The following CNBD1 variants were observed in gnomAD, a reference collection of about 807,000 sequenced individuals.
The protein encoded by CNBD1 is cyclic nucleotide-binding domain-containing protein 1.
In CNBD1, 71 loss-of-function variants were observed where a neutral mutation model predicts 54.4. That is an observed-to-expected ratio of 1.30 (90% CI 1.08 to 1.59). The LOEUF (loss-of-function observed/expected upper bound fraction) is 1.59, where lower values mean the gene tolerates loss of function less well. Ranked by LOEUF, CNBD1 falls within the 40% of genes most tolerant of loss-of-function variation. The pLI, the probability that CNBD1 is intolerant of heterozygous loss-of-function variation, is 0.00. For synonymous variants in CNBD1, 182 were observed against 170.7 expected (o/e 1.07, Z -0.51); for missense variants, 659 against 518.0 (o/e 1.27, Z -2.64).
chr8:87,335,904 T>C (rs570370156), intron 8 of CNBD1, among the ~76,000 whole-genome samples: 1 of 152,326 alleles, frequency 6.6e-6, no homozygotes, highest in African/African-American at 2.4e-5. Context: ...GGCCTGGTGG[T>C]GATGAATTCC....
chr8:87,127,809 G>A (rs555796986), intron 4 of CNBD1, among the ~76,000 whole-genome samples: 1 of 152,124 alleles, frequency 6.6e-6, no homozygotes, highest in East Asian at 1.9e-4. Context: ...TAAATACTGG[G>A]TAGAAGAGGA....
intron 6 of CNBD1, among the ~76,000 whole-genome samples, chr8:87,263,124 T>G (rs1334056563): frequency 6.6e-6 from 1 of 152,154 alleles, no homozygotes; most frequent in African/African-American, 2.4e-5. Flanking sequence ...AAAATTGTGA[T>G]GGTATTATAT....
intron 4 of CNBD1, among the ~76,000 whole-genome samples, chr8:87,156,513 G>A (rs1812746035): frequency 6.6e-6 from 1 of 151,622 alleles, no homozygotes; most frequent in South Asian, 2.1e-4. Flanking sequence ...CAAAATGATG[G>A]ATTTGCAGCC....
At chr8:87,022,839 T>A (rs1809517056) in intron 4 of CNBD1, among the ~76,000 whole-genome samples, 1 of 152,208 alleles carries the variant, frequency 6.6e-6, no homozygotes, top group South Asian at 2.1e-4. Flanking sequence ...GGAGACAGTT[T>A]GAAATTTAAA....
chr8:87,283,010 C>T (rs896551922), intron 6 of CNBD1, among the ~76,000 whole-genome samples: 1 of 151,996 alleles, frequency 6.6e-6, no homozygotes, highest in East Asian at 1.9e-4. Context: ...TATGTATCAC[C>T]GTTTTCCCAT....
At chr8:87,379,202 G>T (rs1482753603) in intron 10 of CNBD1, among the ~76,000 whole-genome samples, 1 of 151,932 alleles carries the variant, frequency 6.6e-6, no homozygotes, top group Non-Finnish European at 1.5e-5. Flanking sequence ...TTGAATAGGA[G>T]TGGTGAGAGA....
intron 4 of CNBD1, among the ~76,000 whole-genome samples, chr8:87,168,893 G>A (rs1444343470): frequency 1.3e-5 from 2 of 152,018 alleles, no homozygotes; most frequent in South Asian, 2.1e-4. Flanking sequence ...ATAAACATGG[G>A]CATACAGATA....
At chr8:87,181,474 T>C (rs1269279169) in intron 4 of CNBD1, among the ~76,000 whole-genome samples, 1 of 152,236 alleles carries the variant, frequency 6.6e-6, no homozygotes, top group Non-Finnish European at 1.5e-5. Flanking sequence ...TCAATAATTC[T>C]GTCCATTTCA....
intron 6 of CNBD1, among the ~76,000 whole-genome samples, chr8:87,247,353 A>G (rs1287715008): frequency 6.6e-6 from 1 of 152,176 alleles, no homozygotes; most frequent in East Asian, 1.9e-4. Flanking sequence ...AGAGGTGATC[A>G]CGCACCAGCT....
rs564971003 is a variant in CNBD1 at position 86,949,944 on chromosome 8, A to G, written c.431+10190A>G. Among the ~76,000 whole-genome samples the G allele has an allele frequency of 8.8e-5, 6 of 67,942 alleles. 1 individual carries two copies. The East Asian group carries it at 1.8e-3, about 20-fold the overall frequency. The allele number at this position is 67,942 out of a possible 152,430, so 44.6% of individuals were successfully genotyped here. On this transcript the variant is annotated intron_variant, in intron 4 of 10. Coordinates refer to ENST00000518476, the MANE Select transcript of CNBD1 (RefSeq NM_173538.3). ...ATGAAGAGATGTTATACTTCATCAAATGCTTTTTTTTTTTTTTTTTTTTTT... is the reference window on the plus strand; with the variant it reads ...ATGAAGAGATGTTATACTTCATCAAGTGCTTTTTTTTTTTTTTTTTTTTTT...
chr8:86,965,273 C>T (rs1247957473), intron 4 of CNBD1, among the ~76,000 whole-genome samples: 2 of 152,046 alleles, frequency 1.3e-5, no homozygotes, highest in Non-Finnish European at 2.9e-5. Context: ...GCGCGGACAC[C>T]CTAATGGGCA....
At chr8:87,406,838 C>T (rs60006352) in intron 2 of CNBD1, among the ~76,000 whole-genome samples, 25,183 of 151,988 alleles carry the variant, frequency 0.17, 2,892 homozygotes, top group African/African-American at 0.34. Context: ...CTGCCCATAG[C>T]CCACAGCCCC....
At chr8:87,316,964 G>C (rs1809399124) in intron 8 of CNBD1, among the ~76,000 whole-genome samples, 1 of 151,688 alleles carries the variant, frequency 6.6e-6, no homozygotes, top group South Asian at 2.1e-4. Context: ...TTGAAGTCTA[G>C]TTGTATTATG....
At chr8:87,100,918 T>G (rs1489790489) in intron 4 of CNBD1, among the ~76,000 whole-genome samples, 1 of 152,182 alleles carries the variant, frequency 6.6e-6, no homozygotes, top group African/African-American at 2.4e-5. Flanking sequence ...GTCTTCCTAT[T>G]GAACCACCCA....
chr8:87,404,212 G>T (rs1445238889), intron 2 of CNBD1, among the ~76,000 whole-genome samples: 4 of 151,984 alleles, frequency 2.6e-5, no homozygotes, highest in Non-Finnish European at 5.9e-5. Flanking sequence ...GTAGGGAAGT[G>T]GGGATTTGTT....
At chr8:87,292,917 G>A (rs756368156) in intron 8 of CNBD1, among the ~76,000 whole-genome samples, 6 of 152,106 alleles carry the variant, frequency 3.9e-5, no homozygotes, top group Middle Eastern at 3.4e-3. Context: ...GGGCATTTCC[G>A]CTGGCTACTC....
chr8:87,357,162 G>T (rs368899363), intron 10 of CNBD1, among the ~76,000 whole-genome samples: 1 of 152,272 alleles, frequency 6.6e-6, no homozygotes, highest in South Asian at 2.1e-4. Context: ...CTCCTGCAGG[G>T]GCCCCACAGA....
chr8:87,366,850 C>G (rs149074715), intron 10 of CNBD1, among the ~76,000 whole-genome samples: 2,036 of 152,142 alleles, frequency 0.013, 17 homozygotes, highest in Non-Finnish European at 0.019. Context: ...TGAAAATGTT[C>G]TTAATTGTTA....
chr8:87,084,509 A>G (rs1312366763), intron 4 of CNBD1, among the ~76,000 whole-genome samples: 4 of 151,858 alleles, frequency 2.6e-5, no homozygotes, highest in South Asian at 2.1e-4. Flanking sequence ...ATGTCATCCC[A>G]TTGTGTTTTG....
Sources: gnomAD v4.1 joint callset for allele counts (sites outside exome capture counted in the v4.1 genomes callset) on GRCh38, gnomAD v4.1.1 for gene constraint, MANE v1.5 for transcripts, NCBI Gene and HGNC (gene_info 2026-07-23, HGNC 2026-07-21) for gene names.